The following MGAT5 variants were observed in gnomAD, a reference collection of about 807,000 sequenced individuals.
The protein encoded by MGAT5 is alpha-1,6-mannosylglycoprotein 6-beta-N-acetylglucosaminyltransferase, also known as alpha-1,6-mannosylglycoprotein 6-beta-N-acetylglucosaminyltransferase A.
Under a neutral mutation model 94.3 loss-of-function variants are expected in MGAT5, and 30 were observed. The ratio of observed to expected loss-of-function variants is 0.32; its 90% CI spans 0.24 to 0.43. The LOEUF (loss-of-function observed/expected upper bound fraction) is 0.43. Among genes scored for constraint, MGAT5 ranks in the 20% least tolerant of loss-of-function variants. The pLI is 1.00. For synonymous variants in MGAT5, 310 were observed against 322.9 expected, an observed-to-expected ratio of 0.96 and a Z score of 0.43; for missense variants, 691 against 905.5, an observed-to-expected ratio of 0.76 and a Z score of 3.04.
intron 4 of MGAT5, among the ~76,000 whole-genome samples, chr2:134,334,090 A>G (rs565736423): frequency 6.6e-6 from 1 of 152,248 alleles, no homozygotes; most frequent in Admixed American, 6.5e-5. Context: ...CTAAAAGCTA[A>G]ATTGGATTGA....
At chr2:134,283,428 A>G (rs1432057083) in intron 2 of MGAT5, among the ~76,000 whole-genome samples, 3 of 152,172 alleles carry the variant, frequency 2.0e-5, no homozygotes, top group Admixed American at 2.0e-4. Flanking sequence ...AGGAGCCTCG[A>G]AAATTATGTT....
At position 134,341,774 on chromosome 2, in the gene MGAT5, T is replaced by C; in HGVS notation, c.977+15T>C. 6.3e-7 allele frequency: 1 copy of C among 1,581,822 alleles called. No homozygotes were observed. On this transcript the variant is annotated intron_variant, in intron 7 of 15. Coordinates refer to ENST00000281923, the MANE Select transcript of MGAT5 (RefSeq NM_002410.5). ...GAGCTCAAGGAGTAAGGAGATTACT[T>C]TTCAATTTTAAAATCAGAATACAAA...
rs536460600 is a variant in MGAT5, at chr2:134,333,687, G to T, written c.574-2530G>T. 1.8e-4 allele frequency among the ~76,000 whole-genome samples: 28 copies of T among 152,176 alleles called. No homozygotes were observed. The East Asian group carries it at 2.9e-3, about 16-fold the overall frequency. ...GGGTTAAGCTTGTTAAAGGACCCTG[G>T]ACAGATCAAAAGAAAACAAAGTTAG... On this transcript the variant is annotated intron_variant, in intron 4 of 15. Transcript: ENST00000281923.
At chr2:134,305,142 A>G (rs183620914) in intron 2 of MGAT5, among the ~76,000 whole-genome samples, 5 of 152,308 alleles carry the variant, frequency 3.3e-5, no homozygotes, top group African/African-American at 1.2e-4. Context: ...TCAAGGTGTC[A>G]TCTCAATTCT....
intron 1 of MGAT5, among the ~76,000 whole-genome samples, chr2:134,176,067 C>T (rs1395165866): frequency 1.3e-5 from 2 of 152,162 alleles, no homozygotes; most frequent in African/African-American, 2.4e-5. Context: ...AATTGGTGCC[C>T]ATGGCTAGCA....
intron 1 of MGAT5, among the ~76,000 whole-genome samples, chr2:134,187,988 C>T (rs577918060): frequency 2.0e-5 from 3 of 152,332 alleles, no homozygotes; most frequent in African/African-American, 7.2e-5. Flanking sequence ...AAAGGAAAAA[C>T]TTTGAACCTC....
At chr2:134,184,011 A>C (rs919973150) in intron 1 of MGAT5, among the ~76,000 whole-genome samples, 1 of 152,064 alleles carries the variant, frequency 6.6e-6, no homozygotes, top group Admixed American at 6.5e-5. Context: ...TTGTCTGTGA[A>C]AGCCTTTCTC....
chr2:134,146,270 T>C (rs1686914054), intron 1 of MGAT5, among the ~76,000 whole-genome samples: 1 of 152,058 alleles, frequency 6.6e-6, no homozygotes, highest in Non-Finnish European at 1.5e-5. Context: ...TGAAAACGTT[T>C]GAGTAGGCCA....
chr2:134,132,880 C>A (rs1230123747), intron 1 of MGAT5, among the ~76,000 whole-genome samples: 1 of 152,196 alleles, frequency 6.6e-6, no homozygotes, highest in Non-Finnish European at 1.5e-5. Context: ...AGGTCCTTGC[C>A]ATCTAACATT....
chr2:134,202,039 C>T (rs1170328529), intron 1 of MGAT5, among the ~76,000 whole-genome samples: 2 of 151,712 alleles, frequency 1.3e-5, no homozygotes, highest in Non-Finnish European at 2.9e-5. Flanking sequence ...TATTGAATAC[C>T]CTTGAAACCA....
chr2:134,404,661 T>C (rs890098321), intron 11 of MGAT5, among the ~76,000 whole-genome samples: 2 of 152,220 alleles, frequency 1.3e-5, no homozygotes, highest in African/African-American at 2.4e-5. Context: ...CATCTGTAAA[T>C]GCATTTGATC....
At position 134,452,282 on chromosome 2, in the gene MGAT5, CG is replaced by C. The variant is rs1686147591; in HGVS notation, c.*3436del. The C allele has an allele frequency of 6.6e-6, 1 of 152,190 alleles. No individual in the cohort carries two copies. Among genetic ancestry groups the C allele is most frequent in the Non-Finnish European group, 1.5e-5 (1 of 68,026 alleles). 9.4% of individuals were successfully genotyped at this position (152,190 alleles called of 1,614,324 possible). On this transcript the variant is annotated 3_prime_UTR_variant, in exon 16 of 16. Transcript: ENST00000281923. ...CTACCTTGGGACTGCTGGTTGCCAA[CG>C]TGTCAACCAGCCTGTGTTCCCTGCC...
intron 4 of MGAT5, 34 bp downstream of exon 4, chr2:134,318,773 G>A (rs773817443): frequency 4.8e-6 from 7 of 1,468,662 alleles, no homozygotes; most frequent in Non-Finnish European, 6.7e-6. Flanking sequence ...GGGGGTAGAT[G>A]TGACTGGTTG....
intron 1 of MGAT5, among the ~76,000 whole-genome samples, chr2:134,182,967 T>C (rs1688820000): frequency 6.6e-6 from 1 of 151,946 alleles, no homozygotes; most frequent in South Asian, 2.1e-4. Flanking sequence ...TGTTTTTGTA[T>C]TTTTAGTAGA....
intron 1 of MGAT5, among the ~76,000 whole-genome samples, chr2:134,265,709 A>C (rs1372435341): frequency 1.3e-5 from 2 of 152,244 alleles, no homozygotes; most frequent in Non-Finnish European, 2.9e-5. Context: ...CTCATTAGTA[A>C]TTGAAAATGA....
chr2:134,148,459 C>T (rs558676984), intron 1 of MGAT5, among the ~76,000 whole-genome samples: 2 of 152,320 alleles, frequency 1.3e-5, no homozygotes, highest in African/African-American at 4.8e-5. Flanking sequence ...TACAAACTAA[C>T]CTTCTTCCCT....
intron 1 of MGAT5, among the ~76,000 whole-genome samples, chr2:134,183,615 G>A (rs1396243246): frequency 6.6e-6 from 1 of 152,194 alleles, no homozygotes; most frequent in East Asian, 1.9e-4. Context: ...GGGCCAGGAG[G>A]AGCTGAAATT....
intron 11 of MGAT5, among the ~76,000 whole-genome samples, chr2:134,405,779 A>T (rs3791296): frequency 6.6e-6 from 1 of 152,226 alleles, no homozygotes; most frequent in African/African-American, 2.4e-5. Flanking sequence ...TTTACAAGCC[A>T]TCTTTGAATC....
chr2:134,363,285 G>T (rs553049093), intron 10 of MGAT5, among the ~76,000 whole-genome samples: 3 of 152,276 alleles, frequency 2.0e-5, no homozygotes, highest in Non-Finnish European at 4.4e-5. Context: ...AGCTGAGGGA[G>T]TACAGGTGAT....
Sources: gnomAD v4.1 joint callset for allele counts (sites outside exome capture counted in the v4.1 genomes callset) on GRCh38, gnomAD v4.1.1 for gene constraint, MANE v1.5 for transcripts, NCBI Gene and HGNC (gene_info 2026-07-23, HGNC 2026-07-21) for gene names.